PIAS1: variants seen among roughly 807,000 people sequenced by gnomAD.
PIAS1 encodes the protein E3 SUMO-protein ligase PIAS1.
A neutral mutation model predicts 71.3 loss-of-function variants in PIAS1; 6 were observed. The ratio of observed to expected loss-of-function variants is 0.08; its 90% confidence interval spans 0.05 to 0.17. The LOEUF is 0.17. Ranked by LOEUF, PIAS1 falls within the 10% of genes least tolerant of loss-of-function variation. PIAS1 has a pLI of 1.00. For missense variants in PIAS1, 555 were observed against 793.6 expected (o/e 0.70, Z 3.61); for synonymous variants, 303 against 292.9 (o/e 1.03, Z -0.35).
chr15:68,139,243 ACT>A (rs2092753905), intron 2 of PIAS1, among the ~76,000 whole-genome samples: 2 of 152,046 alleles, frequency 1.3e-5, no homozygotes, highest in South Asian at 4.2e-4. Flanking sequence ...ATATTCTACT[ACT>A]CTCTGTTGGG....
chr15:68,153,324 G>A (rs1481049763), intron 6 of PIAS1, among the ~76,000 whole-genome samples: 1 of 152,076 alleles, frequency 6.6e-6, no homozygotes, highest in Admixed American at 6.5e-5. Context: ...TTCTAGGTTT[G>A]TTACTTGAAA....
chr15:68,120,836 G>A (rs2092607526), intron 2 of PIAS1, among the ~76,000 whole-genome samples: 1 of 152,014 alleles, frequency 6.6e-6, no homozygotes, highest in African/African-American at 2.4e-5. Context: ...TGTATTTTTA[G>A]TAGAGACAAC....
At chr15:68,177,842 T>C (rs2093030074) in intron 11 of PIAS1, among the ~76,000 whole-genome samples, 1 of 152,186 alleles carries the variant, frequency 6.6e-6, no homozygotes, top group South Asian at 2.1e-4. Context: ...AATAGATGTG[T>C]CCCTTTTTAG....
chr15:68,106,351 CAAAAAAAAAAAAA>C (rs11313083), intron 2 of PIAS1, among the ~76,000 whole-genome samples: 1 of 92,846 alleles, frequency 1.1e-5, no homozygotes. Flanking sequence ...ATGACCTTTG[CAAAAAAAAAAAAA>C]AAAAAAAAGA....
intron 1 of PIAS1, chr15:68,055,759 T>C (rs1597104570): frequency 5.6e-6 from 3 of 537,440 alleles, no homozygotes; most frequent in Non-Finnish European, 9.9e-6. Flanking sequence ...ATAAAAATTA[T>C]TTAATTTTTT....
At chr15:68,115,772 G>A (rs139146622) in intron 2 of PIAS1, among the ~76,000 whole-genome samples, 5 of 152,116 alleles carry the variant, frequency 3.3e-5, no homozygotes, top group African/African-American at 7.2e-5. Context: ...TGTCAAATGC[G>A]TTTTCCTCAT....
chr15:68,146,931 A>G (rs1567063292), intron 6 of PIAS1, among the ~76,000 whole-genome samples: 2 of 152,162 alleles, frequency 1.3e-5, no homozygotes, highest in Non-Finnish European at 2.9e-5. Context: ...CTCCTGTATC[A>G]TCACATGTTC....
Position 68,192,024 on chromosome 15 carries a change from A to C in PIAS1, c.*4189A>C, listed in dbSNP as rs1261886933. On this transcript the variant is annotated 3_prime_UTR_variant, in exon 14 of 14. Coordinates refer to ENST00000249636, the MANE Select transcript of PIAS1 (RefSeq NM_016166.3). ...CTTGCTTTAAAACCATACTGGGACT[A>C]TTCAGTGATAAATATAGACATAGAA... 1 of 152,258 alleles carries C rather than the reference A, an allele frequency of 6.6e-6. No individual in the cohort carries two copies. The highest frequency in any genetic ancestry group is 1.5e-5 in the Non-Finnish European group (1 of 68,044). 9.4% of individuals were successfully genotyped at this position (152,258 alleles called of 1,614,324 possible).
Position 68,176,633 on chromosome 15 carries a change from C to T in PIAS1, c.1460C>T (p.Thr487Ile). 1 of 1,596,052 alleles carries T rather than the reference C, an allele frequency of 6.3e-7. No homozygotes were observed. The highest frequency in any genetic ancestry group is 8.5e-7 in the Non-Finnish European group (1 of 1,173,064). Residue 487 changes from threonine (T) to isoleucine (I), a missense_variant, in exon 11 of 14, where the codon ACA becomes ATA. This residue lies in a region of PIAS1 where 244 missense variants were observed against 307.5 expected (regional missense o/e 0.79). Transcript: ENST00000249636. ...AGGACCTGTCCTTCCCTATCTCCCACATCACCACTAAATAATAAAGGGTAA... is the reference window on the plus strand; with the variant it reads ...AGGACCTGTCCTTCCCTATCTCCCATATCACCACTAAATAATAAAGGGTAA... ...AKRTCPSLSPTSPLNNKGILS... is the reference protein window; with the variant it reads ...AKRTCPSLSPISPLNNKGILS...
chr15:68,114,029 TACACACACACACACAC>T (rs58536041), intron 2 of PIAS1, among the ~76,000 whole-genome samples: 1 of 125,216 alleles, frequency 8.0e-6, no homozygotes, highest in Non-Finnish European at 1.9e-5. Flanking sequence ...ATATATTTCA[TACACACACACACACAC>T]ACACACACAC....
rs77048015 is a variant in PIAS1 at position 68,089,344 on chromosome 15, A to C, written c.469+2594A>C. On this transcript the variant is annotated intron_variant, in intron 2 of 13. Transcript: ENST00000249636. ...AACTGTAAGAATTGAGAGGTGAAGT[A>C]AAAGGTGGTTGTAAAGTAAGATGTT... is the stretch of plus-strand genomic sequence containing the variant. Among the ~76,000 whole-genome samples, 42 of 152,346 alleles carry C rather than the reference A, an allele frequency of 2.8e-4. No individual in the cohort carries two copies. The East Asian group carries it at 7.5e-3, about 27-fold the overall frequency.
At chr15:68,070,491 G>C (rs2092083097) in intron 1 of PIAS1, among the ~76,000 whole-genome samples, 1 of 152,106 alleles carries the variant, frequency 6.6e-6, no homozygotes, top group South Asian at 2.1e-4. Context: ...AGTTAAGTTG[G>C]AGCCTGAATG....
chr15:68,057,494 GAGA>G (rs761318052), intron 1 of PIAS1: 24 of 444,320 alleles, frequency 5.4e-5, no homozygotes, highest in African/African-American at 2.0e-4. Context: ...AAGAGTGGGA[GAGA>G]AGAAGTCCAT....
rs924435503 is a variant in PIAS1 at position 68,185,553 on chromosome 15, G to C, written c.1662+1886G>C. Among the ~76,000 whole-genome samples, 1 of 152,154 alleles carries C rather than the reference G, an allele frequency of 6.6e-6. No homozygotes were observed. The highest frequency in any genetic ancestry group is 1.5e-5 in the Non-Finnish European group (1 of 68,038). On this transcript the variant is annotated intron_variant, in intron 13 of 13. Coordinates refer to ENST00000249636, the MANE Select transcript of PIAS1 (RefSeq NM_016166.3). This position sits in a 1 kb window ranked among gnomAD's most constrained non-coding sequence, Gnocchi z 4.4. ...GGAACAGGAACACGCAGCTGAAGAA[G>C]GTGCAAGAGAAAAGGAAACTGCAGG...
intron 2 of PIAS1, among the ~76,000 whole-genome samples, chr15:68,121,400 C>G (rs2092612503): frequency 6.6e-6 from 1 of 151,470 alleles, no homozygotes; most frequent in African/African-American, 2.4e-5. Context: ...TTTCTTCTGG[C>G]TGCTTTGAAG....
chr15:68,114,007 G>C (rs1028604625), intron 2 of PIAS1, among the ~76,000 whole-genome samples: 2 of 145,002 alleles, frequency 1.4e-5, no homozygotes, highest in Non-Finnish European at 3.0e-5. Flanking sequence ...TCTTGCTCTA[G>C]CAAACGACTG....
chr15:68,160,457 C>T (rs901614027), intron 7 of PIAS1, among the ~76,000 whole-genome samples: 2 of 152,106 alleles, frequency 1.3e-5, no homozygotes, highest in African/African-American at 4.8e-5. Flanking sequence ...TATTCTTTTC[C>T]ATTGACCTGT....
intron 2 of PIAS1, among the ~76,000 whole-genome samples, chr15:68,119,284 TAC>T (rs2092594294): frequency 8.5e-6 from 1 of 117,060 alleles, no homozygotes; most frequent in Non-Finnish European, 1.7e-5. Context: ...TATGTACACA[TAC>T]ACACACACAT....
chr15:68,092,115 T>G (rs952720980), intron 2 of PIAS1, among the ~76,000 whole-genome samples: 2 of 152,222 alleles, frequency 1.3e-5, no homozygotes, highest in South Asian at 2.1e-4. Context: ...CTTTATTGAT[T>G]AGAGATTTCT....
Sources: allele counts gnomAD v4.1 joint callset (sites outside exome capture counted in the v4.1 genomes callset), GRCh38; gene constraint gnomAD v4.1.1; regional missense constraint gnomAD v4.1.1; non-coding constraint Gnocchi (gnomAD v3.1); transcripts MANE v1.5; gene names NCBI Gene and HGNC (gene_info 2026-07-23, HGNC 2026-07-21).